Variants in GRIA4 observed in about 807,000 individuals in gnomAD.
The protein encoded by GRIA4 is glutamate receptor 4.
A neutral mutation model predicts 104.0 loss-of-function variants in GRIA4; 34 were observed. The ratio of observed to expected loss-of-function variants is 0.33; its 90% confidence interval spans 0.25 to 0.44. The LOEUF is 0.44. GRIA4 is among the 20% of genes least tolerant of loss of function. The pLI is 1.00. For synonymous variants in GRIA4, 386 were observed against 381.9 expected (o/e 1.01, Z -0.13); for missense variants, 750 against 1,096.5 (o/e 0.68, Z 4.46).
intron 3 of GRIA4, among the ~76,000 whole-genome samples, chr11:105,723,888 A>G (rs1448029808): frequency 1.3e-5 from 2 of 152,172 alleles, no homozygotes; most frequent in Non-Finnish European, 2.9e-5. Context: ...GAAGACATAC[A>G]AATAGCCAAC....
At chr11:105,633,053 T>A (rs1367961042) in intron 3 of GRIA4, among the ~76,000 whole-genome samples, 3 of 152,198 alleles carry the variant, frequency 2.0e-5, no homozygotes, top group Non-Finnish European at 4.4e-5. Context: ...TGAGTTTGTT[T>A]TGGAGCTGAC....
At chr11:105,778,624 G>A (rs1016893889) in intron 4 of GRIA4, among the ~76,000 whole-genome samples, 3 of 152,164 alleles carry the variant, frequency 2.0e-5, no homozygotes, top group African/African-American at 7.2e-5. Flanking sequence ...AGAATTGCTT[G>A]CACCCAGGAG....
chr11:105,666,837 AT>A (rs796346526), intron 3 of GRIA4, among the ~76,000 whole-genome samples: 31 of 150,568 alleles, frequency 2.1e-4, no homozygotes, highest in African/African-American at 7.3e-4. Flanking sequence ...CTCCTTTGCC[AT>A]TTTTTTAATG....
chr11:105,845,817 G>A (rs1565283091), intron 4 of GRIA4, among the ~76,000 whole-genome samples: 1 of 152,110 alleles, frequency 6.6e-6, no homozygotes, highest in African/African-American at 2.4e-5. Flanking sequence ...CGTGAACCCG[G>A]GAGTCGGAGC....
At chr11:105,716,024 A>C (rs1954077898) in intron 3 of GRIA4, among the ~76,000 whole-genome samples, 1 of 152,230 alleles carries the variant, frequency 6.6e-6, no homozygotes. Context: ...TGTTACAAAC[A>C]TTAAAAATAA....
intron 14 of GRIA4, among the ~76,000 whole-genome samples, chr11:105,943,713 A>T (rs1391923961): frequency 6.6e-6 from 1 of 152,116 alleles, no homozygotes; most frequent in Non-Finnish European, 1.5e-5. Context: ...TTCCCAGATC[A>T]TTTCTAAATA....
At chr11:105,779,888 T>G (rs1216494685) in intron 4 of GRIA4, among the ~76,000 whole-genome samples, 1 of 148,056 alleles carries the variant, frequency 6.8e-6, no homozygotes, top group Non-Finnish European at 1.5e-5. Context: ...TAGATTATTA[T>G]GAAAAATCAG....
At chr11:105,792,864 G>C (rs1434755067) in intron 4 of GRIA4, among the ~76,000 whole-genome samples, 2 of 151,768 alleles carry the variant, frequency 1.3e-5, no homozygotes, top group Non-Finnish European at 2.9e-5. Flanking sequence ...TTGCATCTGG[G>C]CACTTGGTCT....
chr11:105,738,931 A>T (rs1400526167), intron 3 of GRIA4, among the ~76,000 whole-genome samples: 1 of 68,952 alleles, frequency 1.5e-5, no homozygotes, highest in Non-Finnish European at 3.6e-5. Flanking sequence ...AAAAAAAAAC[A>T]AAAAAAAAAA....
chr11:105,781,703 A>G (rs868459719), intron 4 of GRIA4, among the ~76,000 whole-genome samples: 1 of 151,970 alleles, frequency 6.6e-6, no homozygotes, highest in Admixed American at 6.6e-5. Flanking sequence ...TCATTTACAA[A>G]CCCCACAAGA....
intron 3 of GRIA4, among the ~76,000 whole-genome samples, chr11:105,624,566 C>G (rs1341283548): frequency 6.6e-6 from 1 of 152,046 alleles, no homozygotes; most frequent in Non-Finnish European, 1.5e-5. Context: ...TTTCCATAAC[C>G]CTTTATTCCC....
Position 105,980,001 on chromosome 11 carries a change from G to A in GRIA4, c.*262G>A, listed in dbSNP as rs1859194194. On this transcript the variant is annotated 3_prime_UTR_variant, in exon 17 of 17. Coordinates refer to ENST00000282499, the MANE Select transcript of GRIA4 (RefSeq NM_000829.4). ...AGTGGGTGGGGGAGGGATCTGGGAT[G>A]GGTGTATTAACAGCAACAAATTTCA... 1 of 376,422 alleles carries A rather than the reference G, an allele frequency of 2.7e-6. No homozygotes were observed. Among genetic ancestry groups the A allele is most frequent in the Admixed American group, 3.9e-5 (1 of 25,620 alleles). The allele number at this position is 376,422 out of a possible 1,614,324, so 23.3% of individuals were successfully genotyped here. A position where few individuals can be genotyped will look rare whatever the true frequency, so the allele number is the denominator to read the frequency against.
At chr11:105,670,672 G>A (rs1489069563) in intron 3 of GRIA4, among the ~76,000 whole-genome samples, 1 of 152,058 alleles carries the variant, frequency 6.6e-6, no homozygotes, top group African/African-American at 2.4e-5. Context: ...AGCTGAACTG[G>A]TAGTAACTAG....
At chr11:105,960,152 G>C (rs948989422) in intron 14 of GRIA4, among the ~76,000 whole-genome samples, 2 of 152,240 alleles carry the variant, frequency 1.3e-5, no homozygotes, top group Admixed American at 6.5e-5. Flanking sequence ...TGGAGAGGGT[G>C]TGTTTTGCTG....
intron 3 of GRIA4, among the ~76,000 whole-genome samples, chr11:105,652,905 T>C (rs897495100): frequency 1.3e-5 from 2 of 152,146 alleles, no homozygotes; most frequent in Admixed American, 6.6e-5. Context: ...ATTTTTTTTC[T>C]TGCTTTATTT....
intron 4 of GRIA4, among the ~76,000 whole-genome samples, chr11:105,779,942 T>A (rs1941651202): frequency 1.3e-5 from 2 of 152,178 alleles, no homozygotes; most frequent in Admixed American, 1.3e-4. Context: ...ATGGAATCTT[T>A]CAGTGGGGGC....
chr11:105,875,174 T>C (rs904271877), intron 5 of GRIA4, among the ~76,000 whole-genome samples: 3 of 152,204 alleles, frequency 2.0e-5, no homozygotes, highest in Non-Finnish European at 4.4e-5. Context: ...GAGATAATCA[T>C]GTGGTTTTTG....
chr11:105,634,709 C>G (rs1405512507), intron 3 of GRIA4, among the ~76,000 whole-genome samples: 2 of 152,076 alleles, frequency 1.3e-5, no homozygotes, highest in African/African-American at 4.8e-5. Flanking sequence ...TTAACTAAAC[C>G]CATGCTTAAG....
At chr11:105,833,429 G>T (rs1944055817) in intron 4 of GRIA4, among the ~76,000 whole-genome samples, 1 of 151,858 alleles carries the variant, frequency 6.6e-6, no homozygotes, top group Non-Finnish European at 1.5e-5. Context: ...TATAATGGAA[G>T]ATCTATAGAT....
Sources: gnomAD v4.1 joint callset for allele counts (sites outside exome capture counted in the v4.1 genomes callset) on GRCh38, gnomAD v4.1.1 for gene constraint, MANE v1.5 for transcripts, NCBI Gene and HGNC (gene_info 2026-07-23, HGNC 2026-07-21) for gene names.